MDGA2: variants seen among roughly 807,000 people sequenced by gnomAD.
MDGA2 encodes MAM domain containing glycosylphosphatidylinositol anchor 2.
A neutral mutation model predicts 117.8 loss-of-function variants in MDGA2; 40 were observed. That is an observed-to-expected ratio of 0.34 (90% CI 0.26 to 0.44). The LOEUF is 0.44. Among genes scored for constraint, MDGA2 ranks in the 20% least tolerant of loss-of-function variants. MDGA2 has a pLI of 1.00. For missense variants in MDGA2, 1,123 were observed against 1,250.6 expected (o/e 0.90, Z 1.54); for synonymous variants, 452 against 439.0 (o/e 1.03, Z -0.37).
chr14:46,858,253 A>G (rs1446915421), intron 14 of MDGA2, among the ~76,000 whole-genome samples: 1 of 149,842 alleles, frequency 6.7e-6, no homozygotes, highest in Admixed American at 6.7e-5. Flanking sequence ...TGTTTATTGT[A>G]CTTTGTAGTA....
At chr14:47,059,285 T>C (rs558540607) in intron 7 of MDGA2, 282 of 1,252,300 alleles carry the variant, frequency 2.3e-4, no homozygotes, top group South Asian at 1.2e-3. Flanking sequence ...TTCCATTCTA[T>C]GGAGAAACCA....
chr14:47,152,385 C>G (rs1883196364), intron 3 of MDGA2, among the ~76,000 whole-genome samples: 1 of 151,972 alleles, frequency 6.6e-6, no homozygotes, highest in Non-Finnish European at 1.5e-5. Flanking sequence ...GAATGCTATG[C>G]CTAATATTTA....
chr14:47,210,526 T>C (rs1885842473), intron 3 of MDGA2, among the ~76,000 whole-genome samples: 1 of 152,192 alleles, frequency 6.6e-6, no homozygotes, highest in Admixed American at 6.5e-5. Context: ...CTCAAGAATC[T>C]TAAGGTAACA....
At chr14:47,620,564 T>C (rs1897031250) in intron 1 of MDGA2, among the ~76,000 whole-genome samples, 1 of 152,232 alleles carries the variant, frequency 6.6e-6, no homozygotes, top group African/African-American at 2.4e-5. Context: ...AACCTAATTG[T>C]TTCCCTAATT....
intron 1 of MDGA2, among the ~76,000 whole-genome samples, chr14:47,394,744 C>T (rs1196883772): frequency 6.6e-6 from 1 of 152,028 alleles, no homozygotes; most frequent in Non-Finnish European, 1.5e-5. Context: ...CATAAAGTGT[C>T]AAATTAAAAC....
chr14:47,131,958 A>G, intron 4 of MDGA2, 112 bp from the exon 5 acceptor site: 1 of 844,298 alleles, frequency 1.2e-6, no homozygotes, highest in East Asian at 2.9e-5. Context: ...TCAGAATATG[A>G]CAGACTGTCT....
intron 5 of MDGA2, among the ~76,000 whole-genome samples, chr14:47,109,093 G>A (rs1195206784): frequency 4.6e-5 from 7 of 152,158 alleles, no homozygotes; most frequent in Non-Finnish European, 8.8e-5. Flanking sequence ...GAATCCCAGA[G>A]GGTCAGCTCC....
intron 1 of MDGA2, among the ~76,000 whole-genome samples, chr14:47,393,971 CAGA>C (rs1172161353): frequency 6.6e-6 from 1 of 152,174 alleles, no homozygotes; most frequent in East Asian, 1.9e-4. Context: ...GTGGCTTAGT[CAGA>C]AGAAGAAGGA....
intron 8 of MDGA2, among the ~76,000 whole-genome samples, chr14:46,963,569 C>G (rs1211036813): frequency 6.6e-6 from 1 of 152,178 alleles, no homozygotes. Flanking sequence ...CTTTAGACCT[C>G]TAATTTGTTC....
At chr14:47,625,343 A>G (rs1402522777) in intron 1 of MDGA2, among the ~76,000 whole-genome samples, 3 of 152,198 alleles carry the variant, frequency 2.0e-5, no homozygotes, top group Non-Finnish European at 4.4e-5. Context: ...ACTTCAGAAT[A>G]CAAGATTCTT....
intron 8 of MDGA2, among the ~76,000 whole-genome samples, chr14:47,025,514 T>C (rs944158394): frequency 6.6e-6 from 1 of 152,110 alleles, no homozygotes; most frequent in African/African-American, 2.4e-5. Context: ...TGTCTCCTTG[T>C]CTATGAGTCA....
intron 2 of MDGA2, among the ~76,000 whole-genome samples, chr14:47,287,966 G>A (rs1207567287): frequency 6.6e-6 from 1 of 152,136 alleles, no homozygotes; most frequent in Non-Finnish European, 1.5e-5. Flanking sequence ...CCAGAAGCTG[G>A]GAAGAGGCAA....
At chr14:47,477,018 C>A (rs1047856422) in intron 1 of MDGA2, among the ~76,000 whole-genome samples, 1 of 151,888 alleles carries the variant, frequency 6.6e-6, no homozygotes, top group African/African-American at 2.4e-5. Flanking sequence ...AAAAATTTGC[C>A]GAGCGTGGTG....
In MDGA2 at chr14:47,370,743, G is replaced by A. The variant is rs552875169; in HGVS notation, c.281-69193C>T. ...ATCCTCTCTGTAAACCACCCCTTAT[G>A]TAAACAAATAAATAATACAAATCAT... On this transcript the variant is annotated intron_variant, in intron 1 of 16. Transcript: ENST00000399232. 2.2e-4 allele frequency among the ~76,000 whole-genome samples: 33 copies of A among 151,128 alleles called. No individual in the cohort carries two copies. In the East Asian group the frequency reaches 6.2e-3, roughly 28 times the overall value.
intron 2 of MDGA2, among the ~76,000 whole-genome samples, chr14:47,272,874 T>G (rs1161441431): frequency 6.6e-6 from 1 of 152,160 alleles, no homozygotes; most frequent in Non-Finnish European, 1.5e-5. Flanking sequence ...GTTAGCGAAA[T>G]GCCATTAAAT....
chr14:47,609,596 A>C (rs1336965445), intron 1 of MDGA2, among the ~76,000 whole-genome samples: 1 of 150,766 alleles, frequency 6.6e-6, no homozygotes, highest in Non-Finnish European at 1.5e-5. Flanking sequence ...TCCTCTGGGT[A>C]GATACCCAGT....
intron 7 of MDGA2, among the ~76,000 whole-genome samples, chr14:47,048,417 A>C (rs2138711456): frequency 6.6e-6 from 1 of 151,944 alleles, no homozygotes; most frequent in African/African-American, 2.4e-5. Context: ...ACAGTGGTAA[A>C]ATCCTCAACG....
At chr14:46,870,842 A>G (rs558963870) in intron 14 of MDGA2, 2 of 152,166 alleles carry the variant, frequency 1.3e-5, no homozygotes, top group African/African-American at 4.8e-5. Flanking sequence ...TATTAAAAGT[A>G]TTTTTAAAGT....
chr14:47,636,949 G>T (rs1164082198), intron 1 of MDGA2, among the ~76,000 whole-genome samples: 1 of 151,284 alleles, frequency 6.6e-6, no homozygotes, highest in Non-Finnish European at 1.5e-5. Flanking sequence ...TCCAGCCTGG[G>T]TGACAGAGCG....
Sources: gnomAD v4.1 joint callset for allele counts (sites outside exome capture counted in the v4.1 genomes callset) on GRCh38, gnomAD v4.1.1 for gene constraint, MANE v1.5 for transcripts, NCBI Gene and HGNC (gene_info 2026-07-23, HGNC 2026-07-21) for gene names.